The following L3MBTL4 variants were observed in gnomAD, a reference collection of about 807,000 sequenced individuals.
The protein encoded by L3MBTL4 is L3MBTL histone methyl-lysine binding protein 4.
A neutral mutation model predicts 84.5 loss-of-function variants in L3MBTL4; 70 were observed. That is an observed-to-expected ratio of 0.83 (90% CI 0.68 to 1.01). L3MBTL4 has a LOEUF of 1.01. Among genes scored for constraint, L3MBTL4 ranks in the 50% least tolerant of loss-of-function variants. L3MBTL4 has a pLI of 0.00. For missense variants in L3MBTL4, 715 were observed against 754.8 expected (o/e 0.95, Z 0.62); for synonymous variants, 274 against 259.8 (o/e 1.05, Z -0.52).
At chr18:6,360,657 T>C (rs1211074057) in intron 1 of L3MBTL4, among the ~76,000 whole-genome samples, 1 of 152,048 alleles carries the variant, frequency 6.6e-6, no homozygotes, top group Non-Finnish European at 1.5e-5. Flanking sequence ...TAAACTGCTT[T>C]CCCATACATT....
intron 4 of L3MBTL4, among the ~76,000 whole-genome samples, chr18:6,272,407 GT>G (rs2048918470): frequency 6.7e-6 from 1 of 149,624 alleles, no homozygotes; most frequent in African/African-American, 2.5e-5. Flanking sequence ...AGGGGGAGTT[GT>G]GCAGATTCAA....
intron 16 of L3MBTL4, among the ~76,000 whole-genome samples, chr18:5,970,329 C>T (rs2144809768): frequency 6.6e-6 from 1 of 152,350 alleles, no homozygotes; most frequent in East Asian, 1.9e-4. Context: ...AGATTGGCTG[C>T]TGCAACCAAG....
chr18:6,027,906 G>A (rs544848549), intron 16 of L3MBTL4, among the ~76,000 whole-genome samples: 1 of 152,032 alleles, frequency 6.6e-6, no homozygotes, highest in Non-Finnish European at 1.5e-5. Context: ...TCATAAATTT[G>A]TTTAAGTTCC....
intron 15 of L3MBTL4, among the ~76,000 whole-genome samples, chr18:6,084,306 A>T (rs2058183305): frequency 1.3e-5 from 2 of 152,202 alleles, no homozygotes; most frequent in South Asian, 4.1e-4. Flanking sequence ...TGCTTTCACT[A>T]CGATGGCTGA....
chr18:6,395,386 G>A (rs341229), intron 1 of L3MBTL4: 2 of 151,820 alleles, frequency 1.3e-5, no homozygotes, highest in African/African-American at 2.4e-5. Context: ...CCTGCTTCAC[G>A]AAATGTTCTG....
intron 1 of L3MBTL4, among the ~76,000 whole-genome samples, chr18:6,325,664 G>A (rs1458507669): frequency 6.6e-6 from 1 of 152,108 alleles, no homozygotes; most frequent in East Asian, 1.9e-4. Context: ...CAGTTGGGGA[G>A]GAAAATTAGT....
At chr18:6,327,836 A>G (rs560583401) in intron 1 of L3MBTL4, among the ~76,000 whole-genome samples, 2 of 152,372 alleles carry the variant, frequency 1.3e-5, no homozygotes, top group Admixed American at 6.5e-5. Flanking sequence ...GGGGTAGGTT[A>G]TAGGAGGAAT....
intron 13 of L3MBTL4, among the ~76,000 whole-genome samples, chr18:6,155,864 C>T (rs1377219335): frequency 1.3e-5 from 2 of 152,074 alleles, no homozygotes; most frequent in South Asian, 2.1e-4. Context: ...AATGCAAATA[C>T]ATAATGTTTA....
intron 16 of L3MBTL4, among the ~76,000 whole-genome samples, chr18:6,056,416 A>AGGCAGGAGGCACTG (rs1324020188): frequency 6.6e-6 from 1 of 152,184 alleles, no homozygotes; most frequent in African/African-American, 2.4e-5. Flanking sequence ...GGCCCCTGCT[A>AGGCAGGAGGCACTG]GGCAGGAGGC....
At chr18:6,296,120 TC>T (rs2050100236) in intron 4 of L3MBTL4, among the ~76,000 whole-genome samples, 1 of 152,142 alleles carries the variant, frequency 6.6e-6, no homozygotes, top group Non-Finnish European at 1.5e-5. Flanking sequence ...AGAAAGTGCT[TC>T]TCTCATTACA....
chr18:5,998,288 C>T (rs61435053), intron 16 of L3MBTL4, among the ~76,000 whole-genome samples: 7 of 152,090 alleles, frequency 4.6e-5, no homozygotes, highest in East Asian at 3.9e-4. Context: ...GCTGCCATAG[C>T]GGGAGGGGGA....
intron 1 of L3MBTL4, among the ~76,000 whole-genome samples, chr18:6,403,499 A>T (rs117642458): frequency 0.021 from 3,258 of 152,342 alleles, 49 homozygotes; most frequent in Non-Finnish European, 0.032. Flanking sequence ...ACAAGCATCA[A>T]ACTACTTGAT....
intron 1 of L3MBTL4, among the ~76,000 whole-genome samples, chr18:6,323,020 G>A (rs2051508572): frequency 6.6e-6 from 1 of 152,202 alleles, no homozygotes; most frequent in South Asian, 2.1e-4. Context: ...TTAAAAGTGT[G>A]TAGCACCTCC....
intron 4 of L3MBTL4, among the ~76,000 whole-genome samples, chr18:6,284,578 G>A (rs1009994137): frequency 3.9e-5 from 6 of 152,240 alleles, no homozygotes; most frequent in African/African-American, 1.4e-4. Context: ...GGACGCACTG[G>A]CCGGCTGCGC....
intron 16 of L3MBTL4, among the ~76,000 whole-genome samples, chr18:6,048,788 CAA>C (rs34017015): frequency 7.1e-6 from 1 of 140,530 alleles, no homozygotes. Context: ...GACTCCATCT[CAA>C]AAAAAAAAAA....
intron 13 of L3MBTL4, among the ~76,000 whole-genome samples, chr18:6,140,443 A>G (rs975841248): frequency 6.6e-6 from 1 of 152,162 alleles, no homozygotes; most frequent in East Asian, 1.9e-4. Context: ...CCTGGGAAAA[A>G]AATGCACATT....
Position 6,074,831 on chromosome 18 carries a change from T to C in L3MBTL4, c.1444+6050A>G, listed in dbSNP as rs199562640. Among the ~76,000 whole-genome samples, 3 of 152,218 alleles carry C rather than the reference T, an allele frequency of 2.0e-5. No individual in the cohort carries two copies. In the East Asian group the frequency reaches 5.8e-4, roughly 29 times the overall value. On this transcript the variant is annotated intron_variant, in intron 16 of 18. Coordinates refer to ENST00000317931, the MANE Select transcript of L3MBTL4 (RefSeq NM_001330559.2). ...TTACATTTTCCCAACTTATGACATA[T>C]TCCAGCTAAAAATTTCCTTGGAAAT...
Position 5,969,581 on chromosome 18 carries a change from G to A in L3MBTL4, c.1445-19C>T. The A allele has an allele frequency of 2.5e-6, 4 of 1,574,740 alleles. No individual in the cohort carries two copies. Among genetic ancestry groups the A allele is most frequent in the Non-Finnish European group, 3.5e-6 (4 of 1,157,006 alleles). On this transcript the variant is annotated intron_variant, in intron 16 of 18. Transcript: ENST00000317931. Reference sequence around the variant, plus strand: ...GAGTATTCTGTAAGAGAGGTGGGGTGGGGTGAGGCTCAGGCTCCCAGAGAG... The same window carrying A: ...GAGTATTCTGTAAGAGAGGTGGGGTAGGGTGAGGCTCAGGCTCCCAGAGAG...
At chr18:6,227,895 G>C (rs1425665866) in intron 10 of L3MBTL4, among the ~76,000 whole-genome samples, 1 of 151,982 alleles carries the variant, frequency 6.6e-6, no homozygotes, top group South Asian at 2.1e-4. Flanking sequence ...TTAAACTCCT[G>C]GCCTCAAGCG....
Sources: gnomAD v4.1 joint callset for allele counts (sites outside exome capture counted in the v4.1 genomes callset) on GRCh38, gnomAD v4.1.1 for gene constraint, MANE v1.5 for transcripts, NCBI Gene and HGNC (gene_info 2026-07-23, HGNC 2026-07-21) for gene names.